SUSD1: variants seen among roughly 807,000 people sequenced by gnomAD.
SUSD1 encodes the protein sushi domain-containing protein 1.
Under a neutral mutation model 86.9 loss-of-function variants are expected in SUSD1, and 65 were observed. The observed-to-expected ratio is 0.75, with a 90% CI of 0.61 to 0.92. SUSD1 has a LOEUF of 0.92. Ranked by LOEUF, SUSD1 falls within the 40% of genes least tolerant of loss-of-function variation. SUSD1 has a pLI of 0.00. For synonymous variants in SUSD1, 346 were observed against 350.0 expected, an observed-to-expected ratio of 0.99 and a Z score of 0.13; for missense variants, 850 against 929.7, an observed-to-expected ratio of 0.91 and a Z score of 1.11.
At chr9:112,100,794 T>C (rs1830598842) in intron 9 of SUSD1, among the ~76,000 whole-genome samples, 1 of 150,388 alleles carries the variant, frequency 6.6e-6, no homozygotes, top group Admixed American at 6.6e-5. Context: ...ATCATGCCAC[T>C]GTACTCCAGC....
rs1343671212 is a variant in SUSD1 at position 112,058,640 on chromosome 9, A to T, written c.1897T>A (p.Ser633Thr). The part of the protein sequence containing the change: ...VLPLALQSTF[S>T]CDSEGASSFF... ...GAGGAAGCGCCTTCAGAATCACAAG[A>T]AAATGTGCTTTGGAGGGCCAGGGGA... The change falls in exon 14 of 17, where the codon TCT becomes ACT. Residue 633 changes from serine (S) to threonine (T), a missense_variant. Ser to Thr is a moderately conservative substitution (Grantham distance 58, BLOSUM62 1). Coordinates refer to ENST00000374270, the MANE Select transcript of SUSD1 (RefSeq NM_022486.5). The T allele has an allele frequency of 6.2e-7, 1 of 1,614,080 alleles. No individual in the cohort carries two copies. The highest frequency in any genetic ancestry group is 8.5e-7 in the Non-Finnish European group (1 of 1,180,028).
chr9:112,128,774 G>A (rs1831887897), intron 5 of SUSD1, among the ~76,000 whole-genome samples: 1 of 152,136 alleles, frequency 6.6e-6, no homozygotes, highest in Non-Finnish European at 1.5e-5. Context: ...TCAATCAAAC[G>A]AAAGAACCAA....
chr9:112,112,970 C>T, intron 6 of SUSD1, 102 bp from the exon 7 acceptor site: 1 of 703,524 alleles, frequency 1.4e-6, no homozygotes, highest in Non-Finnish European at 2.5e-6. Context: ...CTCTGCTGGT[C>T]ACCATTCATC....
intron 15 of SUSD1, among the ~76,000 whole-genome samples, chr9:112,049,125 G>A (rs185476005): frequency 3.7e-4 from 57 of 152,288 alleles, no homozygotes; most frequent in East Asian, 9.6e-4. Flanking sequence ...GGATTTGCCC[G>A]TCATCCCTGC....
chr9:112,174,303 C>T (rs934460518), intron 1 of SUSD1, among the ~76,000 whole-genome samples: 1 of 152,182 alleles, frequency 6.6e-6, no homozygotes, highest in African/African-American at 2.4e-5. Context: ...GGGTCACCAC[C>T]GATTCCCCTT....
chr9:112,064,046 T>TTTTTTTTTTG (rs1491139474), intron 12 of SUSD1, among the ~76,000 whole-genome samples: 1 of 78,656 alleles, frequency 1.3e-5, no homozygotes, highest in Non-Finnish European at 3.0e-5. Flanking sequence ...TTTCTTTTTT[T>TTTTTTTTTTG]GGGGGGGGGG....
chr9:112,052,465 T>C, intron 14 of SUSD1, 27 bp from the exon 15 acceptor site: 1 of 1,613,776 alleles, frequency 6.2e-7, no homozygotes, highest in South Asian at 1.1e-5. Flanking sequence ...AGCAATGCAT[T>C]TAGCTAGGTG....
At position 112,111,716 on chromosome 9, in the gene SUSD1, A is replaced by T; in HGVS notation, c.1109T>A (p.Val370Glu). ...CCTGGGAGGTGCTGTGGAGATGTTC[A>T]CGGTGTAGTTGGTGCCTGGGTACAG... ...LALYPGTNYTVNISTAPPRRS... is the reference protein window; with the variant it reads ...LALYPGTNYTENISTAPPRRS... The change falls in exon 8 of 17, where the codon GTG becomes GAG. Residue 370 changes from valine (V) to glutamate (E), a missense_variant. Val to Glu is a moderately radical substitution (Grantham distance 121). Transcript: ENST00000374270. The T allele has an allele frequency of 1.2e-6, 2 of 1,614,134 alleles. No homozygotes were observed. Among genetic ancestry groups the T allele is most frequent in the South Asian group, 2.2e-5 (2 of 91,078 alleles).
chr9:112,059,610 G>C (rs1253290678), intron 13 of SUSD1, among the ~76,000 whole-genome samples: 1 of 152,190 alleles, frequency 6.6e-6, no homozygotes, highest in African/African-American at 2.4e-5. Context: ...GAAACAGCCA[G>C]AACAGTAATA....
At chr9:112,142,229 C>A (rs752377928) in intron 5 of SUSD1, 91 bp downstream of exon 5, 4 of 1,105,270 alleles carry the variant, frequency 3.6e-6, no homozygotes, top group East Asian at 2.6e-5. Flanking sequence ...TTACTTAACT[C>A]ATTTATTCCC....
At position 112,141,988 on chromosome 9, in the gene SUSD1, A is replaced by G. The variant is rs938819111; in HGVS notation, c.706+332T>C. 2.0e-5 allele frequency among the ~76,000 whole-genome samples: 3 copies of G among 149,992 alleles called. No homozygotes were observed. In the South Asian group the frequency reaches 6.2e-4, roughly 31 times the overall value. ...TAACATCAGGAATGAAGAAACACCC[A>G]AACCATTTCCCTAATAGTCAGGAAT... On this transcript the variant is annotated intron_variant, in intron 5 of 16. Transcript: ENST00000374270.
chr9:112,049,401 C>T (rs947510829), intron 15 of SUSD1, among the ~76,000 whole-genome samples: 2 of 152,104 alleles, frequency 1.3e-5, no homozygotes, highest in African/African-American at 2.4e-5. Context: ...AGAGAGAGGG[C>T]GACTGAGAAC....
intron 10 of SUSD1, among the ~76,000 whole-genome samples, chr9:112,093,789 G>A (rs963313523): frequency 6.6e-6 from 1 of 152,192 alleles, no homozygotes; most frequent in African/African-American, 2.4e-5. Flanking sequence ...GATGGAAGAT[G>A]AGAGCTCCTG....
intron 12 of SUSD1, among the ~76,000 whole-genome samples, chr9:112,073,854 C>T (rs919387024): frequency 6.6e-6 from 1 of 152,056 alleles, no homozygotes; most frequent in African/African-American, 2.4e-5. Context: ...GATCACACCA[C>T]TGCGTAAGCA....
rs1833278830 is a variant in SUSD1 at position 112,155,853 on chromosome 9, A to G, written c.217+1647T>C. Among the ~76,000 whole-genome samples, 6 of 151,022 alleles carry G rather than the reference A, an allele frequency of 4.0e-5. No homozygotes were observed. The Admixed American group carries it at 4.0e-4, about 10-fold the overall frequency. ...AAGAAGAGAATGAAGAAGAAGAGGA[A>G]GAAGAATAAGAGGAAGAGGAAGAAG... On this transcript the variant is annotated intron_variant, in intron 2 of 16. Transcript: ENST00000374270.
intron 5 of SUSD1, among the ~76,000 whole-genome samples, chr9:112,128,551 G>A (rs966614392): frequency 5.9e-5 from 9 of 152,048 alleles, no homozygotes; most frequent in South Asian, 2.1e-4. Context: ...CTGCAACCAC[G>A]CCCAGCTAAT....
At chr9:112,174,566 G>A (rs573196630) in intron 1 of SUSD1, among the ~76,000 whole-genome samples, 1 of 152,212 alleles carries the variant, frequency 6.6e-6, no homozygotes, top group South Asian at 2.1e-4. Context: ...TCGCGCACAG[G>A]GAAGCTGTTC....
In SUSD1 at chr9:112,041,486, C is replaced by G; in HGVS notation, c.*6G>C. The G allele has an allele frequency of 1.3e-6, 1 of 781,048 alleles. No homozygotes were observed. The highest frequency in any genetic ancestry group is 1.3e-5 in the South Asian group (1 of 74,606). The allele number at this position is 781,048 out of a possible 1,614,324, so 48.4% of individuals were successfully genotyped here. A position where few individuals can be genotyped will look rare whatever the true frequency, so the allele number is the denominator to read the frequency against. ...TGCATCCTCCCCACTCAGTGTCCAT[C>G]TGCCATCTAGACATGGAGGAGGAAA... On this transcript the variant is annotated 3_prime_UTR_variant, in exon 17 of 17. Coordinates refer to ENST00000374270, the MANE Select transcript of SUSD1 (RefSeq NM_022486.5).
chr9:112,138,872 T>C (rs547097768), intron 5 of SUSD1, among the ~76,000 whole-genome samples: 48 of 152,366 alleles, frequency 3.2e-4, no homozygotes, highest in African/African-American at 1.1e-3. Context: ...AGATTGTTTC[T>C]AATATTTCAC....
Sources: allele counts gnomAD v4.1 joint callset (sites outside exome capture counted in the v4.1 genomes callset), GRCh38; gene constraint gnomAD v4.1.1; transcripts MANE v1.5; gene names NCBI Gene and HGNC (gene_info 2026-07-23, HGNC 2026-07-21).